The following MTUS2 variants were observed in gnomAD, a reference collection of about 807,000 sequenced individuals.
MTUS2 encodes microtubule-associated tumor suppressor candidate 2.
A neutral mutation model predicts 114.1 loss-of-function variants in MTUS2; 40 were observed. The ratio of observed to expected loss-of-function variants is 0.35; its 90% CI spans 0.27 to 0.46. MTUS2 has a LOEUF of 0.46. Ranked by LOEUF, MTUS2 falls within the 20% of genes least tolerant of loss-of-function variation. The pLI, the probability that MTUS2 is intolerant of heterozygous loss-of-function variation, is 1.00. For missense variants in MTUS2, 1,679 were observed against 1,705.4 expected, an observed-to-expected ratio of 0.98 and a Z score of 0.27; for synonymous variants, 688 against 672.0, an observed-to-expected ratio of 1.02 and a Z score of -0.37.
chr13:29,180,495 T>C (rs1308376926), intron 5 of MTUS2, among the ~76,000 whole-genome samples: 2 of 152,340 alleles, frequency 1.3e-5, no homozygotes, highest in East Asian at 3.9e-4. Flanking sequence ...GGTCACTCAA[T>C]TTGGAAAAGT....
At chr13:29,101,050 G>T (rs1230653930) in intron 5 of MTUS2, 80 bp downstream of exon 5, 48 of 1,375,370 alleles carry the variant, frequency 3.5e-5, no homozygotes, top group Admixed American at 1.1e-4. Context: ...CATTTTCTTT[G>T]CATGATTATT....
At chr13:29,234,910 T>G (rs1896475221) in intron 5 of MTUS2, among the ~76,000 whole-genome samples, 1 of 152,160 alleles carries the variant, frequency 6.6e-6, no homozygotes, top group Non-Finnish European at 1.5e-5. Flanking sequence ...ATACAAGTTT[T>G]TATTTATTTG....
At chr13:29,220,831 C>A (rs1296889930) in intron 5 of MTUS2, among the ~76,000 whole-genome samples, 1 of 152,144 alleles carries the variant, frequency 6.6e-6, no homozygotes, top group Admixed American at 6.5e-5. Context: ...GTAGATTACA[C>A]CACAGGGTTT....
At chr13:29,078,919 T>C (rs1889315784) in intron 4 of MTUS2, among the ~76,000 whole-genome samples, 1 of 152,232 alleles carries the variant, frequency 6.6e-6, no homozygotes, top group South Asian at 2.1e-4. Flanking sequence ...AACATATCTT[T>C]TCATTGGAAT....
intron 5 of MTUS2, among the ~76,000 whole-genome samples, chr13:29,106,692 C>G (rs9579289): frequency 0.18 from 27,010 of 152,108 alleles, 2,741 homozygotes; most frequent in Middle Eastern, 0.24. Flanking sequence ...TCTGTTCACT[C>G]ATCATTTCTG....
chr13:29,303,761 A>G (rs576564176), intron 6 of MTUS2, among the ~76,000 whole-genome samples: 18 of 152,320 alleles, frequency 1.2e-4, no homozygotes, highest in Non-Finnish European at 2.2e-4. Flanking sequence ...AGACATGCCA[A>G]CATTCAAATT....
chr13:29,096,549 C>T (rs1022444708), intron 4 of MTUS2, among the ~76,000 whole-genome samples: 13 of 152,348 alleles, frequency 8.5e-5, no homozygotes, highest in South Asian at 2.1e-4. Context: ...TATTTTGCTT[C>T]ATGGAGCTAC....
At chr13:29,014,984 C>T (rs1286202480) in intron 2 of MTUS2, among the ~76,000 whole-genome samples, 5 of 152,186 alleles carry the variant, frequency 3.3e-5, no homozygotes, top group Admixed American at 6.5e-5. Flanking sequence ...ACACAGTGCC[C>T]GGGATGACTC....
intron 5 of MTUS2, among the ~76,000 whole-genome samples, chr13:29,172,658 AAGAG>A (rs1399763543): frequency 1.3e-5 from 2 of 152,180 alleles, no homozygotes; most frequent in African/African-American, 4.8e-5. Flanking sequence ...TAAAATTACA[AAGAG>A]AGACCCAGAC....
intron 6 of MTUS2, among the ~76,000 whole-genome samples, chr13:29,313,582 T>C (rs1436343394): frequency 1.3e-5 from 2 of 152,152 alleles, no homozygotes; most frequent in Non-Finnish European, 2.9e-5. Context: ...TATACACATA[T>C]ATGGAACACA....
chr13:29,087,779 C>T (rs148021229), intron 4 of MTUS2, among the ~76,000 whole-genome samples: 1 of 152,124 alleles, frequency 6.6e-6, no homozygotes, highest in East Asian at 1.9e-4. Context: ...CATTTTCTGG[C>T]CAGGTGCAGT....
intron 8 of MTUS2, among the ~76,000 whole-genome samples, chr13:29,396,569 G>C (rs1873933711): frequency 6.6e-6 from 1 of 152,190 alleles, no homozygotes; most frequent in South Asian, 2.1e-4. Flanking sequence ...CTGCCTGCGT[G>C]GTACATGAGA....
chr13:29,250,853 A>G (rs1897100105), intron 5 of MTUS2, among the ~76,000 whole-genome samples: 1 of 152,180 alleles, frequency 6.6e-6, no homozygotes, highest in Non-Finnish European at 1.5e-5. Flanking sequence ...ACCAACCCGC[A>G]AAAAACAATA....
At chr13:29,371,893 C>T (rs192450505) in intron 8 of MTUS2, among the ~76,000 whole-genome samples, 2 of 150,838 alleles carry the variant, frequency 1.3e-5, no homozygotes, top group South Asian at 2.1e-4. Flanking sequence ...GCCTAATGTT[C>T]AGCATGGTGA....
At chr13:29,344,371 C>G (rs1169712968) in intron 7 of MTUS2, among the ~76,000 whole-genome samples, 3 of 152,024 alleles carry the variant, frequency 2.0e-5, no homozygotes, top group Non-Finnish European at 4.4e-5. Flanking sequence ...TGATATTTTC[C>G]TGTTGGACTA....
intron 5 of MTUS2, among the ~76,000 whole-genome samples, chr13:29,195,007 A>G (rs1894621308): frequency 6.7e-6 from 1 of 149,146 alleles, no homozygotes; most frequent in Admixed American, 6.7e-5. Flanking sequence ...AAAAAACCAA[A>G]CACCACATAT....
At chr13:28,900,759 A>G (rs1450048789) in intron 2 of MTUS2, among the ~76,000 whole-genome samples, 1 of 152,212 alleles carries the variant, frequency 6.6e-6, no homozygotes, top group Admixed American at 6.5e-5. Flanking sequence ...AGGCTGGCAT[A>G]ACAAAGCACT....
intron 1 of MTUS2, among the ~76,000 whole-genome samples, chr13:28,837,157 C>G (rs1875145915): frequency 6.6e-6 from 1 of 152,114 alleles, no homozygotes; most frequent in African/African-American, 2.4e-5. Context: ...TAGTTGTGCT[C>G]CAGCAGTACC....
At chr13:29,329,487 G>A (rs964486241) in intron 7 of MTUS2, among the ~76,000 whole-genome samples, 4 of 152,114 alleles carry the variant, frequency 2.6e-5, no homozygotes, top group Non-Finnish European at 4.4e-5. Context: ...TTTTATGGCT[G>A]CATAGTATTC....
Sources: gnomAD v4.1 joint callset for allele counts (sites outside exome capture counted in the v4.1 genomes callset) on GRCh38, gnomAD v4.1.1 for gene constraint, MANE v1.5 for transcripts, NCBI Gene and HGNC (gene_info 2026-07-23, HGNC 2026-07-21) for gene names.